The following PLCB1 variants were observed in gnomAD, a reference collection of about 807,000 sequenced individuals.
The protein encoded by PLCB1 is 1-phosphatidylinositol 4,5-bisphosphate phosphodiesterase beta-1.
In PLCB1, 46 loss-of-function variants were observed where a neutral mutation model predicts 161.8. The observed-to-expected ratio is 0.28, with a 90% CI of 0.22 to 0.36. The LOEUF (loss-of-function observed/expected upper bound fraction) is 0.36. Ranked by LOEUF, PLCB1 falls within the 10% of genes least tolerant of loss-of-function variation. The pLI is 1.00. For synonymous variants in PLCB1, 517 were observed against 503.7 expected (o/e 1.03, Z -0.35); for missense variants, 1,016 against 1,472.5 (o/e 0.69, Z 5.07).
rs947649505 is a variant in PLCB1 at position 8,285,416 on chromosome 20, CA to C, written c.178-85965del. ...AGTAGGCCAGATATTTGACCATAAA[CA>C]TGAAATAATGGTGGCTAGATTCTAG... On this transcript the variant is annotated intron_variant, in intron 2 of 31. Transcript: ENST00000338037. Among the ~76,000 whole-genome samples the C allele has an allele frequency of 3.3e-5, 5 of 152,082 alleles. No individual in the cohort carries two copies. In the East Asian group the frequency reaches 9.6e-4, roughly 29 times the overall value.
chr20:8,468,226 T>C (rs1253341799), intron 3 of PLCB1, among the ~76,000 whole-genome samples: 3 of 152,184 alleles, frequency 2.0e-5, no homozygotes, highest in African/African-American at 4.8e-5. Context: ...TATATTTTGA[T>C]CTAGGTAGTA....
intron 3 of PLCB1, among the ~76,000 whole-genome samples, chr20:8,565,196 A>G (rs2123034536): frequency 6.6e-6 from 1 of 152,302 alleles, no homozygotes; most frequent in East Asian, 1.9e-4. Context: ...AGGGACATGG[A>G]TGAAGCTGGA....
At chr20:8,787,734 A>G (rs964688787) in intron 27 of PLCB1, among the ~76,000 whole-genome samples, 1 of 152,268 alleles carries the variant, frequency 6.6e-6, no homozygotes, top group South Asian at 2.1e-4. Context: ...TACCAAGGAT[A>G]CAAAAACACA....
In PLCB1 at chr20:8,479,726, T is replaced by C. The variant is rs553998241; in HGVS notation, c.246+108276T>C. On this transcript the variant is annotated intron_variant, in intron 3 of 31. Transcript: ENST00000338037. ...CTGTGACTTGCTTTAGCTAGTCAAATGTTAGTGGATGTAATGACTTTACAT... is the reference window on the plus strand; with the variant it reads ...CTGTGACTTGCTTTAGCTAGTCAAACGTTAGTGGATGTAATGACTTTACAT... 2.6e-4 allele frequency among the ~76,000 whole-genome samples: 39 copies of C among 152,354 alleles called. 1 individual carries two copies. The Middle Eastern group carries it at 0.01, about 40-fold the overall frequency.
chr20:8,615,098 T>G (rs939428690), intron 3 of PLCB1, among the ~76,000 whole-genome samples: 2 of 152,212 alleles, frequency 1.3e-5, no homozygotes, highest in African/African-American at 4.8e-5. Context: ...AATGACAATA[T>G]GTACATGTTT....
intron 2 of PLCB1, among the ~76,000 whole-genome samples, chr20:8,259,315 T>C (rs1489095550): frequency 6.6e-6 from 1 of 152,056 alleles, no homozygotes; most frequent in Non-Finnish European, 1.5e-5. Flanking sequence ...AATCCAAAGG[T>C]GTTACTCTAA....
chr20:8,584,497 C>CACACACAT (rs1208066656), intron 3 of PLCB1, among the ~76,000 whole-genome samples: 1 of 151,754 alleles, frequency 6.6e-6, no homozygotes, highest in African/African-American at 2.4e-5. Context: ...CACACACACA[C>CACACACAT]ACACACACAC....
chr20:8,864,467 T>C (rs762806058), intron 31 of PLCB1, among the ~76,000 whole-genome samples: 3 of 152,230 alleles, frequency 2.0e-5, no homozygotes, highest in Non-Finnish European at 4.4e-5. Flanking sequence ...GCCAGGGCTG[T>C]GTCTCACTCA....
chr20:8,647,831 A>T, intron 5 of PLCB1, 69 bp from the exon 6 acceptor site: 1 of 1,241,820 alleles, frequency 8.1e-7, no homozygotes, highest in South Asian at 1.2e-5. Context: ...TTTTGAGTGT[A>T]TTTTATTGTT....
At chr20:8,396,198 TG>T (rs1987764091) in intron 3 of PLCB1, among the ~76,000 whole-genome samples, 1 of 152,018 alleles carries the variant, frequency 6.6e-6, no homozygotes, top group African/African-American at 2.4e-5. Flanking sequence ...ACTACAGAAG[TG>T]GGGAGCTGAA....
chr20:8,158,239 A>T (rs1460692901), intron 2 of PLCB1, among the ~76,000 whole-genome samples: 1 of 152,226 alleles, frequency 6.6e-6, no homozygotes, highest in Non-Finnish European at 1.5e-5. Flanking sequence ...CTTGGTATTG[A>T]TATAATGCCA....
At chr20:8,407,088 G>A (rs112820824) in intron 3 of PLCB1, among the ~76,000 whole-genome samples, 3 of 152,286 alleles carry the variant, frequency 2.0e-5, no homozygotes, top group South Asian at 4.1e-4. Flanking sequence ...ACCAAGGGAG[G>A]AAAGCTAGAA....
At chr20:8,210,368 A>T (rs973222315) in intron 2 of PLCB1, among the ~76,000 whole-genome samples, 1 of 152,132 alleles carries the variant, frequency 6.6e-6, no homozygotes, top group Non-Finnish European at 1.5e-5. Context: ...ATGCCAAAAA[A>T]CATCATCAGT....
At chr20:8,568,475 G>A (rs985316323) in intron 3 of PLCB1, among the ~76,000 whole-genome samples, 7 of 152,224 alleles carry the variant, frequency 4.6e-5, no homozygotes, top group African/African-American at 7.2e-5. Context: ...CCCACAGAAG[G>A]AAAAACAAAG....
chr20:8,306,597 T>A (rs1400081657), intron 2 of PLCB1, among the ~76,000 whole-genome samples: 1 of 152,240 alleles, frequency 6.6e-6, no homozygotes, highest in Admixed American at 6.5e-5. Context: ...AGCGAAGTAA[T>A]GTCTGTAATG....
At chr20:8,662,809 A>T (rs1169363022) in intron 9 of PLCB1, among the ~76,000 whole-genome samples, 1 of 151,824 alleles carries the variant, frequency 6.6e-6, no homozygotes, top group Non-Finnish European at 1.5e-5. Flanking sequence ...GCATGAAGAT[A>T]ATGAGATTTC....
chr20:8,744,616 T>TAAATAAAATAAAATAAAATTA (rs1555787575), intron 23 of PLCB1, among the ~76,000 whole-genome samples: 22,635 of 120,966 alleles, frequency 0.19, 2,497 homozygotes, highest in East Asian at 0.5. Flanking sequence ...AAAAATAAAA[T>TAAATAAAATAAAATAAAATTA]AAATAAAATA....
intron 3 of PLCB1, among the ~76,000 whole-genome samples, chr20:8,442,347 C>G (rs921178890): frequency 6.6e-6 from 1 of 152,114 alleles, no homozygotes; most frequent in Non-Finnish European, 1.5e-5. Context: ...AAGATGGTTC[C>G]TCTAGAGGAG....
chr20:8,367,051 A>G (rs1986732987), intron 2 of PLCB1, among the ~76,000 whole-genome samples: 1 of 152,228 alleles, frequency 6.6e-6, no homozygotes, highest in Non-Finnish European at 1.5e-5. Context: ...TGGATAGAAT[A>G]TGATTTAATC....
Sources: allele counts gnomAD v4.1 joint callset (sites outside exome capture counted in the v4.1 genomes callset), GRCh38; gene constraint gnomAD v4.1.1; transcripts MANE v1.5; gene names NCBI Gene and HGNC (gene_info 2026-07-23, HGNC 2026-07-21).